FAM234B: variants seen among roughly 807,000 people sequenced by gnomAD.
The protein encoded by FAM234B is family with sequence similarity 234 member B.
Under a neutral mutation model 69.3 loss-of-function variants are expected in FAM234B, and 33 were observed. The ratio of observed to expected loss-of-function variants is 0.48; its 90% CI spans 0.36 to 0.64. The LOEUF is 0.64. Among genes scored for constraint, FAM234B ranks in the 30% least tolerant of loss-of-function variants. The pLI is 0.00. For synonymous variants in FAM234B, 306 were observed against 306.9 expected (o/e 1.00, Z 0.03); for missense variants, 697 against 769.7 (o/e 0.91, Z 1.12).
At chr12:13,069,390 T>C (rs912565099) in intron 9 of FAM234B, among the ~76,000 whole-genome samples, 1 of 152,252 alleles carries the variant, frequency 6.6e-6, no homozygotes, top group Non-Finnish European at 1.5e-5. Flanking sequence ...TATCTATTTC[T>C]ATACATTGCA....
chr12:13,052,238 G>C (rs1272504613), intron 1 of FAM234B, among the ~76,000 whole-genome samples: 1 of 152,174 alleles, frequency 6.6e-6, no homozygotes, highest in Non-Finnish European at 1.5e-5. Context: ...TTGGAGGCCA[G>C]TGGATTCCCT....
At chr12:13,069,603 G>C (rs533660368) in intron 9 of FAM234B, among the ~76,000 whole-genome samples, 1 of 152,182 alleles carries the variant, frequency 6.6e-6, no homozygotes, top group Non-Finnish European at 1.5e-5. Context: ...GAGTGCAGGC[G>C]AGCTGGAGGG....
At chr12:13,061,409 A>G (rs1245508011) in intron 3 of FAM234B, among the ~76,000 whole-genome samples, 166 bp from the exon 4 acceptor site, 1 of 152,162 alleles carries the variant, frequency 6.6e-6, no homozygotes, top group Non-Finnish European at 1.5e-5. Flanking sequence ...GATGACAGGC[A>G]CTCTGTGTTC....
chr12:13,068,888 G>A (rs1185599934), intron 9 of FAM234B, among the ~76,000 whole-genome samples, 177 bp downstream of exon 9: 1 of 152,120 alleles, frequency 6.6e-6, no homozygotes, highest in African/African-American at 2.4e-5. Context: ...GCTAAAATCT[G>A]TAGCACTGGA....
At chr12:13,065,167 T>C (rs1865024016) in intron 5 of FAM234B, among the ~76,000 whole-genome samples, 1 of 152,210 alleles carries the variant, frequency 6.6e-6, no homozygotes, top group African/African-American at 2.4e-5. Context: ...TAGCTTCCAC[T>C]CATTGTTCCA....
intron 11 of FAM234B, 108 bp from the exon 12 acceptor site, chr12:13,079,681 T>G: frequency 1.4e-6 from 1 of 716,520 alleles, no homozygotes. Flanking sequence ...TCAGTACATT[T>G]CCTGTATGAA....
rs1865052918 is a variant in FAM234B, at chr12:13,067,457, GA to G, written c.1142+164del. Among the ~76,000 whole-genome samples, 1 of 152,202 alleles carries G rather than the reference GA, an allele frequency of 6.6e-6. No individual in the cohort carries two copies. The highest frequency in any genetic ancestry group is 1.5e-5 in the Non-Finnish European group (1 of 68,042). On this transcript the variant is annotated intron_variant, in intron 7 of 12. Transcript: ENST00000197268. The surrounding 1 kb of genome is among the most constrained non-coding windows in gnomAD (Gnocchi z 4.7). Reference sequence around the variant, plus strand: ...CTTCTGATCTGGTTAACATGAGTTAGAAATTTTCTTCTCTTGGTAACATAAT... The same window carrying G: ...CTTCTGATCTGGTTAACATGAGTTAGAATTTTCTTCTCTTGGTAACATAAT...
intron 1 of FAM234B, among the ~76,000 whole-genome samples, chr12:13,045,547 C>A (rs769627467): frequency 2.0e-5 from 3 of 152,124 alleles, no homozygotes; most frequent in Admixed American, 6.5e-5. Flanking sequence ...CTGAAGCGAA[C>A]CTTGCCATTT....
rs1233001545 is a variant in FAM234B, at chr12:13,061,584, G to T, written c.542G>T (p.Arg181Ile). The T allele has an allele frequency of 6.2e-7, 1 of 1,612,454 alleles. No individual in the cohort carries two copies. Among genetic ancestry groups the T allele is most frequent in the East Asian group, 2.2e-5 (1 of 44,824 alleles). Residue 181 changes from arginine to isoleucine, a missense_variant, in exon 4 of 13, where the codon AGA (arginine) becomes ATA (isoleucine). Transcript: ENST00000197268. The part of the protein sequence containing the change: ...SRNGSAVGVS[R>I]PAANLVCLSG... ...TCTTGTGTGCTTTTAGGTGTCTCAA[G>T]ACCAGCTGCTAATCTTGTATGCCTT...
Position 13,044,389 on chromosome 12 carries a change from A to G in FAM234B, c.-15A>G, listed in dbSNP as rs1248200455. The G allele has an allele frequency of 1.3e-6, 2 of 1,550,406 alleles. No homozygotes were observed. The highest frequency in any genetic ancestry group is 1.7e-6 in the Non-Finnish European group (2 of 1,147,112). On this transcript the variant is annotated 5_prime_UTR_variant, in exon 1 of 13. Transcript: ENST00000197268. The surrounding 1 kb of genome is among the most constrained non-coding windows in gnomAD (Gnocchi z 5.6). ...GCAGAACGCGGGCGCGCGCACGCGC[A>G]CCGGGGCCTCAGCCATGGCGACCGT...
intron 11 of FAM234B, 128 bp downstream of exon 11, chr12:13,076,271 T>C: frequency 1.4e-6 from 1 of 702,428 alleles, no homozygotes. Context: ...CAGGGCACTT[T>C]CCCTGGTGTC....
At chr12:13,066,392 T>C (rs147810003) in intron 5 of FAM234B, among the ~76,000 whole-genome samples, 12 of 152,372 alleles carry the variant, frequency 7.9e-5, no homozygotes, top group Admixed American at 7.8e-4. Flanking sequence ...ACAATTCTGC[T>C]TCAGAGTAGC....
Position 13,055,749 on chromosome 12 carries a change from C to T in FAM234B, c.236C>T (p.Thr79Met), listed in dbSNP as rs763811520. ...AAGCCACATCTTTCAGAAGTCACCACGGAGGGCTACCCCTCAGAACCCCTT... is the reference window on the plus strand; with the variant it reads ...AAGCCACATCTTTCAGAAGTCACCATGGAGGGCTACCCCTCAGAACCCCTT... Reference protein sequence around the residue: ...AAKPHLSEVTTEGYPSEPLGG... With the variant: ...AAKPHLSEVTMEGYPSEPLGG... Residue 79 changes from threonine to methionine, a missense_variant, in exon 2 of 13, where the codon ACG becomes ATG. Thr to Met is a moderately conservative substitution (Grantham distance 81). Transcript: ENST00000197268. 38 of 1,614,066 alleles carry T rather than the reference C, an allele frequency of 2.4e-5. No individual in the cohort carries two copies. The highest frequency in any genetic ancestry group is 6.7e-5 in the African/African-American group (5 of 74,952).
intron 9 of FAM234B, among the ~76,000 whole-genome samples, chr12:13,069,459 G>A (rs540749947): frequency 5.3e-5 from 8 of 152,216 alleles, no homozygotes; most frequent in African/African-American, 1.2e-4. Context: ...CCTCTAATGC[G>A]TGCCAACTTC....
intron 3 of FAM234B, among the ~76,000 whole-genome samples, chr12:13,059,504 A>T (rs117742214): frequency 1.6e-4 from 24 of 152,216 alleles, no homozygotes; most frequent in Non-Finnish European, 1.5e-5. Flanking sequence ...TTTCAGCCTA[A>T]GTACACAAGG....
chr12:13,075,918 G>T, intron 10 of FAM234B, 108 bp from the exon 11 acceptor site: 1 of 812,794 alleles, frequency 1.2e-6, no homozygotes, highest in Non-Finnish European at 2.2e-6. Context: ...ATTAGCATCT[G>T]AGAGGAATGA....
intron 5 of FAM234B, among the ~76,000 whole-genome samples, chr12:13,064,438 T>C (rs1050842133): frequency 1.3e-4 from 20 of 152,210 alleles, no homozygotes; most frequent in Non-Finnish European, 2.8e-4. Flanking sequence ...GAAATCTTGG[T>C]CTAACCATCC....
chr12:13,066,958 T>G, intron 6 of FAM234B, 171 bp downstream of exon 6: 1 of 908,172 alleles, frequency 1.1e-6, no homozygotes, highest in South Asian at 1.7e-5. Flanking sequence ...AACTCTGCCT[T>G]CCCTTGCTGC....
At chr12:13,069,072 TG>T (rs1346454195) in intron 9 of FAM234B, among the ~76,000 whole-genome samples, 4 of 152,176 alleles carry the variant, frequency 2.6e-5, no homozygotes, top group Non-Finnish European at 5.9e-5. Context: ...CTGTGGTGAC[TG>T]GGGTTTTATG....
Sources: gnomAD v4.1 joint callset for allele counts (sites outside exome capture counted in the v4.1 genomes callset) on GRCh38, gnomAD v4.1.1 for gene constraint, Gnocchi (gnomAD v3.1) non-coding constraint, MANE v1.5 for transcripts, NCBI Gene and HGNC (gene_info 2026-07-23, HGNC 2026-07-21) for gene names.